STAG3: variants seen among roughly 807,000 people sequenced by gnomAD.
STAG3 encodes STAG3 cohesin complex component.
STAG3 carries 101 observed loss-of-function variants against 160.7 expected under a neutral mutation model. The observed-to-expected ratio is 0.63, with a 90% confidence interval of 0.54 to 0.74. The LOEUF (loss-of-function observed/expected upper bound fraction) is 0.74. Among genes scored for constraint, STAG3 ranks in the 30% least tolerant of loss-of-function variants. STAG3 has a pLI of 0.00. For missense variants in STAG3, 1,188 were observed against 1,517.4 expected, an observed-to-expected ratio of 0.78 and a Z score of 3.61; for synonymous variants, 519 against 585.0, an observed-to-expected ratio of 0.89 and a Z score of 1.63.
In STAG3 at chr7:100,182,090, G is replaced by T; in HGVS notation, c.117G>T (p.Gly39=). 1 of 1,613,060 alleles carries T rather than the reference G, an allele frequency of 6.2e-7. No individual in the cohort carries two copies. The highest frequency in any genetic ancestry group is 8.5e-7 in the Non-Finnish European group (1 of 1,179,204). The part of the protein sequence containing the change: ...DDRDSNHTSE[G]NGDSLLADED... Reference sequence around the variant, plus strand: ...TAAAGAGAACCATACTTTCTCACAGGAATGGCGACTCTTTGTTAGCTGATG... The same window carrying T: ...TAAAGAGAACCATACTTTCTCACAGTAATGGCGACTCTTTGTTAGCTGATG... The change falls in exon 3 of 34, where the codon GGG becomes GGT. Residue 39 remains glycine, a splice_region_variant and synonymous_variant. Coordinates refer to ENST00000615138, the MANE Select transcript of STAG3 (RefSeq NM_001282717.2).
At chr7:100,181,974 T>C in intron 2 of STAG3, 116 bp from the exon 3 acceptor site, 1 of 610,238 alleles carries the variant, frequency 1.6e-6, no homozygotes, top group South Asian at 2.3e-5. Flanking sequence ...AAAATCTGGA[T>C]ATGTTTTTCT....
chr7:100,182,613 G>A, intron 3 of STAG3, 110 bp from the exon 4 acceptor site: 2 of 1,052,080 alleles, frequency 1.9e-6, no homozygotes, highest in Non-Finnish European at 2.9e-6. Context: ...ACTCTGCTGT[G>A]GAATTGGCAG....
chr7:100,202,047 T>G lies in STAG3; in HGVS notation c.2394+6T>G. ...ATACTGAGATCCAGGAGCAGGTGAG[T>G]ACTGACTCAAGTGGGAGCAACAAGG... On this transcript the variant is annotated splice_donor_region_variant and intron_variant, in intron 23 of 33. Transcript: ENST00000615138. The G allele has an allele frequency of 6.2e-7, 1 of 1,614,014 alleles. No individual in the cohort carries two copies. The highest frequency in any genetic ancestry group is 8.5e-7 in the Non-Finnish European group (1 of 1,179,972).
intron 2 of STAG3, 108 bp from the exon 3 acceptor site, chr7:100,181,982 T>C (rs1799674679): frequency 1.8e-5 from 12 of 671,592 alleles, no homozygotes; most frequent in Non-Finnish European, 3.1e-5. Flanking sequence ...GATATGTTTT[T>C]CTCATGGAGA....
At chr7:100,204,868 T>C (rs960752806) in intron 27 of STAG3, 93 bp downstream of exon 27, 60 of 1,586,354 alleles carry the variant, frequency 3.8e-5, no homozygotes, top group Admixed American at 2.7e-4. Context: ...TGTCAAGGCA[T>C]AGCAGTCAGG....
At chr7:100,195,824 A>T (rs1800650692) in intron 9 of STAG3, among the ~76,000 whole-genome samples, 1 of 152,198 alleles carries the variant, frequency 6.6e-6, no homozygotes, top group Non-Finnish European at 1.5e-5. Flanking sequence ...ACCTGATCAA[A>T]TTAAGTTAAA....
rs1562970871 is a variant in STAG3, at chr7:100,189,423, ATC to A, written c.716-18_716-17del. 4 of 1,603,368 alleles carry A rather than the reference ATC, an allele frequency of 2.5e-6. No individual in the cohort carries two copies. Among genetic ancestry groups the A allele is most frequent in the Non-Finnish European group, 3.4e-6 (4 of 1,176,302 alleles). On this transcript the variant is annotated intron_variant, in intron 7 of 33. Coordinates refer to ENST00000615138, the MANE Select transcript of STAG3 (RefSeq NM_001282717.2). ...CTCTGACCTCAGTAATGATTTCTTTATCTCTTTTTCCTTTCTCAAAGCTATGA... is the reference window on the plus strand; with the variant it reads ...CTCTGACCTCAGTAATGATTTCTTTATCTTTTTCCTTTCTCAAAGCTATGA...
intron 5 of STAG3, among the ~76,000 whole-genome samples, chr7:100,188,131 C>T (rs550830899): frequency 2.3e-4 from 35 of 152,242 alleles, no homozygotes; most frequent in Middle Eastern, 3.4e-3. Flanking sequence ...TGGGTCCATC[C>T]GCTTAAGAGA....
Position 100,201,092 on chromosome 7 carries a change from G to A in STAG3, c.2064G>A (p.Ser688=), listed in dbSNP as rs374255755. Residue 688 remains serine, a splice_region_variant and synonymous_variant, in exon 20 of 34, where the codon TCG becomes TCA. Transcript: ENST00000615138. ...TGTGGATCTTCTTTCCTTCTCAGTC[G>A]TCCTTCCTAGATGAGGATGAGGTAT... ...FQQELEELLQ[S]SFLDEDEVYN... 5.9e-5 allele frequency: 95 copies of A among 1,613,986 alleles called. No individual in the cohort carries two copies. The highest frequency in any genetic ancestry group is 3.6e-4 in the South Asian group (33 of 91,088).
At chr7:100,206,377 CATT>C (rs1231351159) in intron 29 of STAG3, among the ~76,000 whole-genome samples, 1 of 152,088 alleles carries the variant, frequency 6.6e-6, no homozygotes, top group Non-Finnish European at 1.5e-5. Context: ...TTGTAGCAAT[CATT>C]ATTTCATATG....
In STAG3 at chr7:100,211,447, C is replaced by G; in HGVS notation, c.3426C>G (p.Val1142=). The G allele has an allele frequency of 1.2e-6, 2 of 1,613,936 alleles. No individual in the cohort carries two copies. The highest frequency in any genetic ancestry group is 8.5e-7 in the Non-Finnish European group (1 of 1,179,990). ...GCTTCATTCCCAGCAGTCAGCCCGT[C>G]GCAGGCACCGAGAGGTCAAGGTTCT... ...ELDFAQGSQP[V]AGTERSRFLG... The change falls in exon 31 of 34, where the codon GTC becomes GTG. Residue 1142 remains valine (V), a synonymous_variant. Coordinates refer to ENST00000615138, the MANE Select transcript of STAG3 (RefSeq NM_001282717.2).
chr7:100,204,825 T>TC (rs1484681661), intron 27 of STAG3, 50 bp downstream of exon 27: 1 of 1,607,890 alleles, frequency 6.2e-7, no homozygotes, highest in South Asian at 1.1e-5. Context: ...GGGAACGAGG[T>TC]CTTGGAGGGA....
At chr7:100,180,754 G>A in intron 2 of STAG3, 82 bp downstream of exon 2, 1 of 853,256 alleles carries the variant, frequency 1.2e-6, no homozygotes, top group Non-Finnish European at 2.0e-6. Context: ...ATGATAATAT[G>A]CGTGGGACTG....
In STAG3 at chr7:100,200,844, G is replaced by T. The variant is rs1197299941; in HGVS notation, c.1936G>T (p.Ala646Ser). ...AGAGCCAGCGGTGCTTGAGGCTGGG[G>T]CGCATGCCCTCTACCTGCTCTGTAA... ...HAEPAVLEAG[A>S]HALYLLCNPE... is the part of the protein sequence containing the mutation. The change falls in exon 19 of 34, where the codon GCG becomes TCG. Residue 646 changes from alanine to serine, a missense_variant. By Grantham distance (99) the Ala-to-Ser change is moderately conservative. This residue lies in a region of STAG3 where 647 missense variants were observed against 717.2 expected (regional missense o/e 0.90). Transcript: ENST00000615138. The T allele has an allele frequency of 1.9e-6, 3 of 1,614,210 alleles. No individual in the cohort carries two copies. The Admixed American group carries it at 5.0e-5, about 27-fold the overall frequency.
chr7:100,200,182 C>T lies in STAG3; in HGVS notation c.1678-54C>T. The T allele has an allele frequency of 2.2e-6, 3 of 1,387,140 alleles. No individual in the cohort carries two copies. The South Asian group carries it at 3.7e-5, about 17-fold the overall frequency. 85.9% of individuals were successfully genotyped at this position (1,387,140 alleles called of 1,614,324 possible). A position where few individuals can be genotyped will look rare whatever the true frequency, so the allele number is the denominator to read the frequency against. ...ATGGGGAGGAGGACTGCACACACCC[C>T]CTGCACCAGTGTTTCTTTACACCTC... On this transcript the variant is annotated intron_variant, in intron 16 of 33. Transcript: ENST00000615138.
downstream of STAG3, among the ~76,000 whole-genome samples, chr7:100,217,649 C>T (rs1802879019): frequency 6.6e-6 from 1 of 151,990 alleles, no homozygotes; most frequent in Non-Finnish European, 1.5e-5. Context: ...GCAAAGGGGG[C>T]AGGGTAAGGA....
In STAG3 at chr7:100,204,071, G is replaced by A; in HGVS notation, c.2751G>A (p.Arg917=). 1 of 1,614,066 alleles carries A rather than the reference G, an allele frequency of 6.2e-7. No homozygotes were observed. Among genetic ancestry groups the A allele is most frequent in the Non-Finnish European group, 8.5e-7 (1 of 1,179,982 alleles). ...TCAAGGAAACATTAACTAGAGCAAG[G>A]CAGATTGACCGAAGTCATTGTTCCC... The part of the protein sequence containing the change: ...DIIKETLTRA[R]QIDRSHCSRI... The change falls in exon 26 of 34, where the codon AGG becomes AGA. Residue 917 remains arginine, a synonymous_variant. Coordinates refer to ENST00000615138, the MANE Select transcript of STAG3 (RefSeq NM_001282717.2).
intron 8 of STAG3, among the ~76,000 whole-genome samples, chr7:100,193,954 T>TC (rs1206474737): frequency 1.3e-5 from 2 of 150,106 alleles, no homozygotes; most frequent in Admixed American, 1.3e-4. Context: ...TTTTTTTTTT[T>TC]TTTTTCTTTT....
downstream of STAG3, chr7:100,218,359 ATAAC>A (rs1802950738): frequency 5.6e-6 from 1 of 180,162 alleles, no homozygotes; most frequent in African/African-American, 2.4e-5. Context: ...TATTTCTAGT[ATAAC>A]TATTCTTATT....
Sources: gnomAD v4.1 joint callset for allele counts (sites outside exome capture counted in the v4.1 genomes callset) on GRCh38, gnomAD v4.1.1 for gene constraint, gnomAD v4.1.1 regional missense constraint, MANE v1.5 for transcripts, NCBI Gene and HGNC (gene_info 2026-07-23, HGNC 2026-07-21) for gene names.